The following SLC17A8 variants were observed in gnomAD, a reference collection of about 807,000 sequenced individuals.
SLC17A8 encodes vesicular glutamate transporter 3.
A neutral mutation model predicts 58.0 loss-of-function variants in SLC17A8; 31 were observed. The ratio of observed to expected loss-of-function variants is 0.53; its 90% CI spans 0.40 to 0.72. The LOEUF is 0.72. Among genes scored for constraint, SLC17A8 ranks in the 30% least tolerant of loss-of-function variants. The pLI, the probability that SLC17A8 is intolerant of heterozygous loss-of-function variation, is 0.00. For synonymous variants in SLC17A8, 228 were observed against 249.0 expected, an observed-to-expected ratio of 0.92 and a Z score of 0.79; for missense variants, 655 against 727.8, an observed-to-expected ratio of 0.90 and a Z score of 1.15.
chr12:100,391,068 T>C lies in SLC17A8; in HGVS notation c.422T>C (p.Ile141Thr), dbSNP rs1248533913. Residue 141 changes from isoleucine to threonine, a missense_variant, in exon 3 of 12, where the codon ATT becomes ACT. Transcript: ENST00000323346. ...CATGGATCTTTTTTCTGGGGCTATATTATGACACAAATTCCAGGTGGTTTC... is the reference window on the plus strand; with the variant it reads ...CATGGATCTTTTTTCTGGGGCTATACTATGACACAAATTCCAGGTGGTTTC... ...LIHGSFFWGYIMTQIPGGFIS... is the reference protein window; with the variant it reads ...LIHGSFFWGYTMTQIPGGFIS... The C allele has an allele frequency of 1.2e-6, 2 of 1,613,962 alleles. No homozygotes were observed. The highest frequency in any genetic ancestry group is 2.2e-5 in the East Asian group (1 of 44,858).
rs186433086 is a variant in SLC17A8, at chr12:100,369,622, G to A, written c.102-11079G>A. Among the ~76,000 whole-genome samples the A allele has an allele frequency of 9.8e-5, 15 of 152,324 alleles. No individual in the cohort carries two copies. The East Asian group carries it at 2.7e-3, about 27-fold the overall frequency. Reference sequence around the variant, plus strand: ...GGATTTAGCAGAGTCCACCTCTCATGCCTGCATTGTAGCTGCAAGAGAGCC... The same window carrying A: ...GGATTTAGCAGAGTCCACCTCTCATACCTGCATTGTAGCTGCAAGAGAGCC... On this transcript the variant is annotated intron_variant, in intron 1 of 11. Coordinates refer to ENST00000323346, the MANE Select transcript of SLC17A8 (RefSeq NM_139319.3).
At chr12:100,374,843 G>A (rs1333392416) in intron 1 of SLC17A8, among the ~76,000 whole-genome samples, 3 of 152,058 alleles carry the variant, frequency 2.0e-5, no homozygotes, top group Non-Finnish European at 2.9e-5. Flanking sequence ...GTGAGATCCT[G>A]TGCTCAGACC....
chr12:100,381,382 T>C (rs538397175), intron 2 of SLC17A8, among the ~76,000 whole-genome samples: 1 of 151,966 alleles, frequency 6.6e-6, no homozygotes, highest in South Asian at 2.1e-4. Context: ...TGATGACAGT[T>C]TGAGGGGGTA....
intron 9 of SLC17A8, among the ~76,000 whole-genome samples, chr12:100,409,225 G>A (rs2136011738): frequency 6.6e-6 from 1 of 151,972 alleles, no homozygotes; most frequent in South Asian, 2.1e-4. Context: ...TCACTCTGTT[G>A]CCCAGGCTGG....
At chr12:100,393,659 C>A (rs942303669) in intron 4 of SLC17A8, among the ~76,000 whole-genome samples, 176 bp downstream of exon 4, 1 of 151,952 alleles carries the variant, frequency 6.6e-6, no homozygotes, top group African/African-American at 2.4e-5. Context: ...ATTAAAATGC[C>A]TTGTGTGATT....
chr12:100,393,362 C>A lies in SLC17A8; in HGVS notation c.474-7C>A, dbSNP rs775411136. Reference sequence around the variant, plus strand: ...CTGCCGAATAACACAATGCTTTGGTCCCCCAGGGTCTTTGGAGCTGCCATC... The same window carrying A: ...CTGCCGAATAACACAATGCTTTGGTACCCCAGGGTCTTTGGAGCTGCCATC... On this transcript the variant is annotated splice_region_variant and splice_polypyrimidine_tract_variant and intron_variant, in intron 3 of 11. Transcript: ENST00000323346. The A allele has an allele frequency of 4.4e-6, 7 of 1,605,030 alleles. No individual in the cohort carries two copies. Among genetic ancestry groups the A allele is most frequent in the South Asian group, 1.1e-5 (1 of 90,842 alleles).
rs371968234 is a variant in SLC17A8, at chr12:100,404,314, T to G, written c.1186+144T>G. ...GTCTGTCCCTCAGCAGACACTTGAG[T>G]GTTGTCCATCACAGTGCTGCCAAGA... On this transcript the variant is annotated intron_variant, in intron 9 of 11. Coordinates refer to ENST00000323346, the MANE Select transcript of SLC17A8 (RefSeq NM_139319.3). 14 of 1,050,846 alleles carry G rather than the reference T, an allele frequency of 1.3e-5. No homozygotes were observed. In the African/African-American group the frequency reaches 2.2e-4, roughly 17 times the overall value. The allele number at this position is 1,050,846 out of a possible 1,614,324, so 65.1% of individuals were successfully genotyped here.
chr12:100,388,590 A>C (rs938926053), intron 2 of SLC17A8, among the ~76,000 whole-genome samples: 2 of 152,256 alleles, frequency 1.3e-5, no homozygotes, highest in Admixed American at 1.3e-4. Flanking sequence ...CTAGAAGGCA[A>C]AGACAATGCT....
intron 9 of SLC17A8, among the ~76,000 whole-genome samples, chr12:100,409,175 ATGT>A (rs2136011611): frequency 6.6e-6 from 1 of 151,784 alleles, no homozygotes; most frequent in South Asian, 2.1e-4. Flanking sequence ...GTATGTATGT[ATGT>A]ATGTATGTAT....
chr12:100,404,502 GCACACACACACACA>G (rs4015906), intron 9 of SLC17A8: 4 of 232,900 alleles, frequency 1.7e-5, no homozygotes, highest in East Asian at 9.5e-5. Flanking sequence ...TGGGATATAT[GCACACACACACACA>G]CACACACACA....
intron 5 of SLC17A8, among the ~76,000 whole-genome samples, chr12:100,398,367 T>C (rs910671468): frequency 2.6e-5 from 4 of 152,266 alleles, no homozygotes; most frequent in African/African-American, 9.6e-5. Context: ...CCAGCTGGCC[T>C]TGTGGCTTGT....
At chr12:100,396,786 G>T (rs1362932244) in intron 5 of SLC17A8, among the ~76,000 whole-genome samples, 1 of 151,722 alleles carries the variant, frequency 6.6e-6, no homozygotes, top group Non-Finnish European at 1.5e-5. Flanking sequence ...ATGCTTTTTT[G>T]GCTTCAAGCA....
chr12:100,405,975 T>A lies in SLC17A8; in HGVS notation c.1186+1805T>A, dbSNP rs552127828. ...CAGTCAGGGCAATAGTGAGAACTTTTCTCTATTAAAAAATAAAACATTTAT... is the reference window on the plus strand; with the variant it reads ...CAGTCAGGGCAATAGTGAGAACTTTACTCTATTAAAAAATAAAACATTTAT... On this transcript the variant is annotated intron_variant, in intron 9 of 11. Coordinates refer to ENST00000323346, the MANE Select transcript of SLC17A8 (RefSeq NM_139319.3). Among the ~76,000 whole-genome samples, 18 of 152,248 alleles carry A rather than the reference T, an allele frequency of 1.2e-4. 1 individual carries two copies. The highest frequency in any genetic ancestry group is 4.3e-4 in the African/African-American group (18 of 41,532).
intron 1 of SLC17A8, among the ~76,000 whole-genome samples, chr12:100,367,228 A>G (rs1458693444): frequency 6.6e-6 from 1 of 152,240 alleles, no homozygotes; most frequent in Admixed American, 6.5e-5. Context: ...AATAAGTTAA[A>G]GAGAGACCTT....
intron 1 of SLC17A8, among the ~76,000 whole-genome samples, chr12:100,362,457 TG>T (rs1356032948): frequency 6.6e-6 from 1 of 152,212 alleles, no homozygotes; most frequent in East Asian, 1.9e-4. Context: ...CTTAAACTCC[TG>T]GGCTCAGGAG....
At chr12:100,401,310 T>C (rs1313252578) in intron 5 of SLC17A8, among the ~76,000 whole-genome samples, 1 of 151,784 alleles carries the variant, frequency 6.6e-6, no homozygotes, top group East Asian at 1.9e-4. Flanking sequence ...CCCTCTCCTT[T>C]TTTTTTTTAA....
At chr12:100,408,188 G>C (rs920331727) in intron 9 of SLC17A8, among the ~76,000 whole-genome samples, 2 of 152,104 alleles carry the variant, frequency 1.3e-5, no homozygotes, top group African/African-American at 2.4e-5. Flanking sequence ...ACATATCTTG[G>C]AGCCTGTCAT....
At chr12:100,414,041 T>C (rs959737931) in intron 10 of SLC17A8, among the ~76,000 whole-genome samples, 1 of 152,178 alleles carries the variant, frequency 6.6e-6, no homozygotes, top group Non-Finnish European at 1.5e-5. Flanking sequence ...TTCACATATA[T>C]TGTATATATA....
At chr12:100,409,559 A>G (rs1486028911) in intron 9 of SLC17A8, among the ~76,000 whole-genome samples, 2 of 152,212 alleles carry the variant, frequency 1.3e-5, no homozygotes, top group Admixed American at 1.3e-4. Flanking sequence ...TGGGAGAGGC[A>G]GAAACACAAA....
Sources: allele counts gnomAD v4.1 joint callset (sites outside exome capture counted in the v4.1 genomes callset), GRCh38; gene constraint gnomAD v4.1.1; transcripts MANE v1.5; gene names NCBI Gene and HGNC (gene_info 2026-07-23, HGNC 2026-07-21).